Variants in SNAP47 observed in about 807,000 individuals in gnomAD.
SNAP47 encodes the protein synaptosome associated protein 47.
A neutral mutation model predicts 31.4 loss-of-function variants in SNAP47; 20 were observed. The observed-to-expected ratio is 0.64, with a 90% CI of 0.45 to 0.93. The LOEUF (loss-of-function observed/expected upper bound fraction) is 0.93, where lower values mean the gene tolerates loss of function less well. Ranked by LOEUF, SNAP47 falls within the 40% of genes least tolerant of loss-of-function variation. SNAP47 has a pLI of 0.00. For synonymous variants in SNAP47, 194 were observed against 213.4 expected (o/e 0.91, Z 0.79); for missense variants, 492 against 528.5 (o/e 0.93, Z 0.68).
intron 3 of SNAP47, among the ~76,000 whole-genome samples, chr1:227,761,088 A>T (rs544387081): frequency 3.3e-5 from 5 of 152,366 alleles, no homozygotes; most frequent in Non-Finnish European, 7.3e-5. Flanking sequence ...TCCACACTAT[A>T]ATGCGTGTCT....
chr1:227,767,558 G>A (rs7517885), intron 4 of SNAP47, among the ~76,000 whole-genome samples: 102,764 of 151,986 alleles, frequency 0.68, 36,343 homozygotes, highest in African/African-American at 0.9. Flanking sequence ...TGTGTGTGTT[G>A]TGTGTGTTGT....
At chr1:227,754,076 G>A (rs1019182983) in intron 2 of SNAP47, among the ~76,000 whole-genome samples, 1 of 152,240 alleles carries the variant, frequency 6.6e-6, no homozygotes, top group Non-Finnish European at 1.5e-5. Flanking sequence ...TGGAAAATAA[G>A]TGCAAGGTTT....
intron 4 of SNAP47, among the ~76,000 whole-genome samples, chr1:227,779,331 T>C (rs1321321151): frequency 6.6e-6 from 1 of 152,180 alleles, no homozygotes; most frequent in Non-Finnish European, 1.5e-5. Flanking sequence ...TGGGGAGCAC[T>C]GAATCACCTG....
chr1:227,730,170 G>A (rs1339205062), upstream of SNAP47, among the ~76,000 whole-genome samples: 4 of 152,196 alleles, frequency 2.6e-5, no homozygotes, highest in Admixed American at 6.5e-5. Context: ...GCTAACCACC[G>A]CACATCTGCA....
intron 2 of SNAP47, among the ~76,000 whole-genome samples, chr1:227,756,915 G>A (rs1487745437): frequency 1.3e-5 from 2 of 152,234 alleles, no homozygotes; most frequent in Non-Finnish European, 2.9e-5. Flanking sequence ...GTGGGAGCAG[G>A]CCTCCTGCCA....
chr1:227,735,069 G>A (rs780957060), upstream of SNAP47: 17 of 1,558,328 alleles, frequency 1.1e-5, no homozygotes, highest in African/African-American at 1.4e-4. Flanking sequence ...ACCCAGCGCC[G>A]CCGGCTGCCC....
At position 227,747,890 on chromosome 1, in the gene SNAP47, A is replaced by G. The variant is rs1427763735; in HGVS notation, c.154A>G (p.Ser52Gly). 1.2e-6 allele frequency: 2 copies of G among 1,614,058 alleles called. No homozygotes were observed. The highest frequency in any genetic ancestry group is 1.7e-6 in the Non-Finnish European group (2 of 1,180,034). ...GEILVSFPLS[S>G]IVEIKKEASH... is the part of the protein sequence containing the mutation. ...GATTCTGGTCAGCTTCCCCCTCTCC[A>G]GCATAGTTGAGATCAAGAAGGAGGC... Residue 52 changes from serine (S) to glycine (G), a missense_variant, in exon 2 of 5, where the codon AGC becomes GGC. Transcript: ENST00000617596.
At chr1:227,761,630 A>G (rs1218032380) in intron 3 of SNAP47, among the ~76,000 whole-genome samples, 1 of 152,192 alleles carries the variant, frequency 6.6e-6, no homozygotes, top group African/African-American at 2.4e-5. Flanking sequence ...TTCAAGGTAA[A>G]TGGTACAGGC....
intron 4 of SNAP47, among the ~76,000 whole-genome samples, chr1:227,780,321 A>G (rs1002846395): frequency 3.9e-5 from 6 of 152,130 alleles, no homozygotes; most frequent in Admixed American, 3.9e-4. Flanking sequence ...TGGGGCAGGC[A>G]CCTCATCTCA....
intron 2 of SNAP47, among the ~76,000 whole-genome samples, chr1:227,750,350 C>T (rs574419630): frequency 2.6e-5 from 4 of 152,388 alleles, no homozygotes; most frequent in African/African-American, 9.6e-5. Context: ...GCAGGTTGCA[C>T]GGGGCCTGCC....
intron 4 of SNAP47, among the ~76,000 whole-genome samples, chr1:227,775,559 C>T (rs1334044109): frequency 6.6e-6 from 1 of 152,238 alleles, no homozygotes; most frequent in African/African-American, 2.4e-5. Context: ...CCGTGCGTGC[C>T]TCTGGAGCAC....
chr1:227,779,208 T>G (rs1452624187), intron 4 of SNAP47, among the ~76,000 whole-genome samples: 1 of 152,226 alleles, frequency 6.6e-6, no homozygotes, highest in Non-Finnish European at 1.5e-5. Flanking sequence ...CCCTCTGTCC[T>G]GGCCGCCTTC....
rs745713594 is a variant in SNAP47, at chr1:227,748,119, GATC to G, written c.384_386del (p.Ser129del). On this transcript the variant is annotated inframe_deletion, in exon 2 of 5. Coordinates refer to ENST00000617596, the MANE Select transcript of SNAP47 (RefSeq NM_053052.4). ...GAGGAGCTGACGGGACTCATGGCTG[GATC>G]CCAGAAACGCCTGGAGGACACGGCG... The G allele has an allele frequency of 5.0e-6, 8 of 1,614,036 alleles. No homozygotes were observed. Among genetic ancestry groups the G allele is most frequent in the Non-Finnish European group, 6.8e-6 (8 of 1,180,032 alleles).
In SNAP47 at chr1:227,757,491, C is replaced by T. The variant is rs577412390; in HGVS notation, c.498-1504C>T. On this transcript the variant is annotated intron_variant, in intron 2 of 4. Transcript: ENST00000617596. The stretch of plus-strand genomic sequence containing the variant: ...CCCAAACGCCAGTCAGCAAACTGTG[C>T]ACCTTTTGTTTTAATTTGGATAATG... Among the ~76,000 whole-genome samples the T allele has an allele frequency of 3.9e-5, 6 of 152,304 alleles. No individual in the cohort carries two copies. In the South Asian group the frequency reaches 8.3e-4, roughly 21 times the overall value.
At chr1:227,735,293 A>G (rs1661025337), upstream of SNAP47, 2 of 1,605,648 alleles carry the variant, frequency 1.2e-6, no homozygotes, top group African/African-American at 2.7e-5. Context: ...CACGGGTCGA[A>G]GGACCCTCCT....
intron 4 of SNAP47, among the ~76,000 whole-genome samples, chr1:227,778,893 G>T (rs566245453): frequency 1.3e-5 from 2 of 152,348 alleles, no homozygotes; most frequent in East Asian, 3.9e-4. Context: ...AAGCCCTGCT[G>T]TCTGGGACTG....
rs1663168623 is a variant in SNAP47 at position 227,763,115 on chromosome 1, C to T, written c.988+3630C>T. ...GGGACTATAGGCACATATCACCATG[C>T]CCAGCTAATTTTTTTTTTTTTTAAT... On this transcript the variant is annotated intron_variant, in intron 3 of 4. Transcript: ENST00000617596. This position sits in a 1 kb window ranked among gnomAD's most constrained non-coding sequence, Gnocchi z 4.2. Among the ~76,000 whole-genome samples, 1 of 151,964 alleles carries T rather than the reference C, an allele frequency of 6.6e-6. No homozygotes were observed. The highest frequency in any genetic ancestry group is 1.5e-5 in the Non-Finnish European group (1 of 67,988).
rs541070658 is a variant in SNAP47 at position 227,762,580 on chromosome 1, C to T, written c.988+3095C>T. ...CAGAAATCCCTGCCTCTGGGACGAG[C>T]GCTGGTGCACGTGTGGCCACAGGGT... On this transcript the variant is annotated intron_variant, in intron 3 of 4. Coordinates refer to ENST00000617596, the MANE Select transcript of SNAP47 (RefSeq NM_053052.4). The surrounding 1 kb of genome is among the most constrained non-coding windows in gnomAD (Gnocchi z 4.2). 7.2e-5 allele frequency among the ~76,000 whole-genome samples: 11 copies of T among 152,306 alleles called. No individual in the cohort carries two copies. The highest frequency in any genetic ancestry group is 2.6e-4 in the African/African-American group (11 of 41,566).
rs77469088 is a variant in SNAP47 at position 227,765,546 on chromosome 1, G to A, written c.989-1413G>A. Among the ~76,000 whole-genome samples the A allele has an allele frequency of 4.5e-3, 683 of 152,336 alleles. 5 individuals carry two copies. Among genetic ancestry groups the A allele is most frequent in the African/African-American group, 0.015 (640 of 41,562 alleles). ...ATTCAGAGAAGCACAGTAGTGGGCC[G>A]CAGCTTCCCAGAGAGCACCCACATA... is the stretch of plus-strand genomic sequence containing the variant. On this transcript the variant is annotated intron_variant, in intron 3 of 4. Transcript: ENST00000617596.
Sources: gnomAD v4.1 joint callset for allele counts (sites outside exome capture counted in the v4.1 genomes callset) on GRCh38, gnomAD v4.1.1 for gene constraint, Gnocchi (gnomAD v3.1) non-coding constraint, MANE v1.5 for transcripts, NCBI Gene and HGNC (gene_info 2026-07-23, HGNC 2026-07-21) for gene names.